USP50: variants seen among roughly 807,000 people sequenced by gnomAD.
USP50 encodes the protein ubiquitin specific peptidase 50, also known as ubiquitin carboxyl-terminal hydrolase 50.
Under a neutral mutation model 39.2 loss-of-function variants are expected in USP50, and 37 were observed. The ratio of observed to expected loss-of-function variants is 0.94; its 90% CI spans 0.73 to 1.24. USP50 has a LOEUF of 1.24. USP50 is among the 50% of genes most tolerant of loss of function. The pLI is 0.00. For synonymous variants in USP50, 139 were observed against 144.5 expected, an observed-to-expected ratio of 0.96 and a Z score of 0.27; for missense variants, 374 against 398.2, an observed-to-expected ratio of 0.94 and a Z score of 0.52.
At chr15:50,501,979 C>T (rs561717414) in intron 6 of USP50, 1 of 152,174 alleles carries the variant, frequency 6.6e-6, no homozygotes, top group Non-Finnish European at 1.5e-5. Flanking sequence ...TTTAATGATA[C>T]AACAGTAAAA....
chr15:50,512,325 TA>T lies in USP50; in HGVS notation c.937-11489del, dbSNP rs1373639566. The T allele has an allele frequency of 3.6e-3, 488 of 135,608 alleles. 1 individual carries two copies. Among genetic ancestry groups the T allele is most frequent in the Middle Eastern group, 0.012 (3 of 254 alleles). 8.4% of individuals were successfully genotyped at this position (135,608 alleles called of 1,614,324 possible). On this transcript the variant is annotated intron_variant, in intron 6 of 6. Transcript: ENST00000532404. ...CCTGGGCAACAGAGCAAGACTCTGT[TA>T]AAAAAAAAAAAAATAGCGAGAGATC...
intron 3 of USP50, among the ~76,000 whole-genome samples, 180 bp downstream of exon 3, chr15:50,543,418 G>C (rs987540008): frequency 6.6e-6 from 1 of 152,204 alleles, no homozygotes; most frequent in African/African-American, 2.4e-5. Flanking sequence ...CTGATGACAA[G>C]TAAGTTTGGT....
Position 50,529,947 on chromosome 15 carries a change from G to A in USP50, c.804-18C>T. On this transcript the variant is annotated intron_variant, in intron 5 of 6. Coordinates refer to ENST00000532404, the MANE Select transcript of USP50 (RefSeq NM_203494.5). ...TGTCAAACCTGCAGGTATAATAAAT[G>A]TGTGAAATACAAAGTAAGCTTGTGA... The A allele has an allele frequency of 6.2e-7, 1 of 1,611,936 alleles. No homozygotes were observed. The highest frequency in any genetic ancestry group is 8.5e-7 in the Non-Finnish European group (1 of 1,179,324).
rs111870673 is a variant in USP50 at position 50,525,556 on chromosome 15, G to A, written c.936+4241C>T. 3.6e-3 allele frequency among the ~76,000 whole-genome samples: 320 copies of A among 89,330 alleles called. 1 individual carries two copies. The highest frequency in any genetic ancestry group is 9.0e-3 in the African/African-American group (207 of 22,918). 58.6% of individuals were successfully genotyped at this position (89,330 alleles called of 152,430 possible). On this transcript the variant is annotated intron_variant, in intron 6 of 6. Transcript: ENST00000532404. ...TGTATATGTATATATGTATATATGTGTATATATGTATATATGTATATGTAT... is the reference window on the plus strand; with the variant it reads ...TGTATATGTATATATGTATATATGTATATATATGTATATATGTATATGTAT...
At chr15:50,532,056 G>C (rs1471925122) in intron 5 of USP50, 1 of 454,642 alleles carries the variant, frequency 2.2e-6, no homozygotes, top group Non-Finnish European at 4.4e-6. Context: ...GAACAGGTCT[G>C]CGTAGGAAAA....
At chr15:50,518,800 A>C (rs1349483116) in intron 6 of USP50, among the ~76,000 whole-genome samples, 3 of 152,210 alleles carry the variant, frequency 2.0e-5, no homozygotes, top group African/African-American at 7.2e-5. Flanking sequence ...AAATTGAAAA[A>C]CAGACAAATG....
intron 6 of USP50, among the ~76,000 whole-genome samples, chr15:50,521,755 G>A (rs1426872704): frequency 6.6e-6 from 1 of 151,952 alleles, no homozygotes; most frequent in African/African-American, 2.4e-5. Flanking sequence ...TTGAGGTCAG[G>A]AGTTCAAGAC....
At position 50,495,075 on chromosome 15, in the gene USP50, T is replaced by C. The variant is rs1413166963; in HGVS notation, n.185-945A>G. Among the ~76,000 whole-genome samples the C allele has an allele frequency of 4.7e-4, 71 of 151,766 alleles. 1 individual carries two copies. The highest frequency in any genetic ancestry group is 8.8e-5 in the Non-Finnish European group (6 of 67,946). ...ACCAAATGACTCATGTGACTAGTTA[T>C]TATAAAGGCATGTATGTATACATAA... On this transcript the variant is annotated intron_variant and non_coding_transcript_variant, in intron 1 of 1. Coordinates refer to the USP50 transcript ENST00000560159.
Position 50,544,390 on chromosome 15 carries a change from T to A in USP50, c.248+197A>T, listed in dbSNP as rs1250021502. 1.6e-4 allele frequency among the ~76,000 whole-genome samples: 24 copies of A among 146,582 alleles called. No homozygotes were observed. The East Asian group carries it at 4.2e-3, about 25-fold the overall frequency. The stretch of plus-strand genomic sequence containing the variant: ...AACAACAATAAAAAAAAATAAAAAA[T>A]AAAAAAAAAAGGAGCTGCATTCATT... On this transcript the variant is annotated intron_variant, in intron 2 of 6. Transcript: ENST00000532404.
Position 50,522,950 on chromosome 15 carries a change from TCAC to T in USP50, c.936+6844_936+6846del, listed in dbSNP as rs533307244. On this transcript the variant is annotated intron_variant, in intron 6 of 6. Coordinates refer to ENST00000532404, the MANE Select transcript of USP50 (RefSeq NM_203494.5). ...GGAATGAGCCACCACATCCAGCCAC[TCAC>T]CACTTCTTTTCAGCATAGTACTGGA... Among the ~76,000 whole-genome samples the T allele has an allele frequency of 1.5e-3, 227 of 151,900 alleles. 2 individuals carry two copies. The highest frequency in any genetic ancestry group is 5.1e-3 in the African/African-American group (212 of 41,436).
intron 1 of USP50, chr15:50,494,409 A>G (rs900480367): frequency 8.2e-6 from 6 of 729,192 alleles, no homozygotes; most frequent in African/African-American, 1.8e-5. Context: ...GTGACTGTAT[A>G]AGAGAATTAT....
intron 6 of USP50, among the ~76,000 whole-genome samples, chr15:50,518,814 C>T (rs572377932): frequency 3.3e-5 from 5 of 152,186 alleles, no homozygotes; most frequent in Admixed American, 6.5e-5. Flanking sequence ...ACAAATGGGA[C>T]TATGTTAAAC....
chr15:50,517,806 C>A (rs186149054), intron 6 of USP50, among the ~76,000 whole-genome samples: 3 of 152,042 alleles, frequency 2.0e-5, no homozygotes, highest in Admixed American at 2.0e-4. Flanking sequence ...GCAGCCTCAA[C>A]CTCCTGGGTT....
In USP50 at chr15:50,541,051, GAAGGGAGCAT is replaced by G; in HGVS notation, c.648_657del (p.Glu216AspfsTer14). 1.2e-6 allele frequency: 2 copies of G among 1,612,538 alleles called. No individual in the cohort carries two copies. Among genetic ancestry groups the G allele is most frequent in the Non-Finnish European group, 1.7e-6 (2 of 1,178,616 alleles). ...GTCCAGGAATACTGCATTCCTACCC[GAAGGGAGCAT>G]TCATATTTGGATGGAATGGGGAGTG... On this transcript the variant is annotated frameshift_variant, in exon 4 of 7. Transcript: ENST00000532404. LOFTEE classifies it high-confidence loss of function.
chr15:50,534,476 C>T (rs374971513), intron 5 of USP50, among the ~76,000 whole-genome samples: 3 of 152,086 alleles, frequency 2.0e-5, no homozygotes, highest in African/African-American at 7.2e-5. Context: ...CAACAAATAG[C>T]AGTAACAAAT....
At chr15:50,525,597 T>TATGTATAG (rs1489155147) in intron 6 of USP50, among the ~76,000 whole-genome samples, 8 of 145,146 alleles carry the variant, frequency 5.5e-5, no homozygotes, top group Admixed American at 1.4e-4. Flanking sequence ...TATATGTATA[T>TATGTATAG]ATGTATATGT....
At chr15:50,525,696 TG>T (rs2052890392) in intron 6 of USP50, among the ~76,000 whole-genome samples, 2 of 109,430 alleles carry the variant, frequency 1.8e-5, no homozygotes, top group Admixed American at 1.1e-4. Flanking sequence ...TATATGTATA[TG>T]TATATATATG....
intron 6 of USP50, among the ~76,000 whole-genome samples, chr15:50,515,654 A>G (rs540174265): frequency 2.4e-3 from 64 of 26,520 alleles, no homozygotes; most frequent in East Asian, 4.8e-3. Context: ...ATATATGTGT[A>G]TATATATATA....
chr15:50,522,158 G>A (rs1455415719), intron 6 of USP50, among the ~76,000 whole-genome samples: 4 of 152,016 alleles, frequency 2.6e-5, no homozygotes, highest in African/African-American at 4.8e-5. Context: ...AGGCATGGTG[G>A]CTCATGCCTG....
Sources: allele counts gnomAD v4.1 joint callset (sites outside exome capture counted in the v4.1 genomes callset), GRCh38; gene constraint gnomAD v4.1.1; transcripts MANE v1.5; gene names NCBI Gene and HGNC (gene_info 2026-07-23, HGNC 2026-07-21).